PNO1: variants seen among roughly 807,000 people sequenced by gnomAD.
The protein encoded by PNO1 is RNA-binding protein PNO1.
In PNO1, 16 loss-of-function variants were observed where a neutral mutation model predicts 28.4. The observed-to-expected ratio is 0.56, with a 90% CI of 0.38 to 0.85. The LOEUF (loss-of-function observed/expected upper bound fraction) is 0.85. Ranked by LOEUF, PNO1 falls within the 40% of genes least tolerant of loss-of-function variation. PNO1 has a pLI of 0.00. For synonymous variants in PNO1, 115 were observed against 110.8 expected, an observed-to-expected ratio of 1.04 and a Z score of -0.24; for missense variants, 304 against 312.2, an observed-to-expected ratio of 0.97 and a Z score of 0.20.
At chr2:68,160,003 C>G (rs1013309198) in intron 2 of PNO1, among the ~76,000 whole-genome samples, 1 of 139,476 alleles carries the variant, frequency 7.2e-6, no homozygotes, top group African/African-American at 2.8e-5. Flanking sequence ...GAGTCTTGCT[C>G]CGTTGCCCAG....
chr2:68,165,545 C>CAAAAA (rs36126325), intron 5 of PNO1, among the ~76,000 whole-genome samples: 1 of 67,190 alleles, frequency 1.5e-5, no homozygotes, highest in East Asian at 5.0e-4. Context: ...GACTCCATCT[C>CAAAAA]AAAAAAAAAA....
At chr2:68,173,459 T>C in intron 6 of PNO1, 42 bp downstream of exon 6, 1 of 1,233,636 alleles carries the variant, frequency 8.1e-7, no homozygotes, top group South Asian at 1.2e-5. Flanking sequence ...CTGGGAGGGA[T>C]AGGAAGTTAA....
At chr2:68,173,748 A>G (rs541939808) in intron 6 of PNO1, among the ~76,000 whole-genome samples, 1 of 151,860 alleles carries the variant, frequency 6.6e-6, no homozygotes, top group South Asian at 2.1e-4. Flanking sequence ...TTGCCTGGCT[A>G]ATTTTTGCAT....
chr2:68,160,361 A>G (rs1473950435), intron 2 of PNO1, among the ~76,000 whole-genome samples: 5 of 152,204 alleles, frequency 3.3e-5, no homozygotes, highest in African/African-American at 1.2e-4. Flanking sequence ...GTTTATGTCC[A>G]TACTTTTTGG....
chr2:68,169,577 G>A (rs928977816), intron 5 of PNO1, among the ~76,000 whole-genome samples: 5 of 152,176 alleles, frequency 3.3e-5, no homozygotes, highest in African/African-American at 9.7e-5. Flanking sequence ...TAATTTTATG[G>A]AGTTATGATT....
At chr2:68,171,080 C>T (rs1674120168) in intron 5 of PNO1, among the ~76,000 whole-genome samples, 1 of 152,160 alleles carries the variant, frequency 6.6e-6, no homozygotes, top group Non-Finnish European at 1.5e-5. Context: ...AAACAGAAAT[C>T]AGTGCTCAGT....
chr2:68,159,609 C>G (rs1673778195), intron 2 of PNO1, among the ~76,000 whole-genome samples: 1 of 152,074 alleles, frequency 6.6e-6, no homozygotes, highest in African/African-American at 2.4e-5. Context: ...GAATCGATAA[C>G]CGAAATTAAT....
At position 68,158,106 on chromosome 2, in the gene PNO1, C is replaced by T; in HGVS notation, c.172C>T (p.Pro58Ser). The T allele has an allele frequency of 6.2e-7, 1 of 1,609,548 alleles. No individual in the cohort carries two copies. The highest frequency in any genetic ancestry group is 8.5e-7 in the Non-Finnish European group (1 of 1,178,034). ...DTEEARPAKRPVFPPLCGDGL... is the reference protein window; with the variant it reads ...DTEEARPAKRSVFPPLCGDGL... Reference sequence around the variant, plus strand: ...AGAGGAGGCCAGGCCGGCGAAGAGGCCCGTCTTCCCACCCCTCTGTGGGGA... The same window carrying T: ...AGAGGAGGCCAGGCCGGCGAAGAGGTCCGTCTTCCCACCCCTCTGTGGGGA... The change falls in exon 1 of 7, where the codon CCC becomes TCC. Residue 58 changes from proline to serine, a missense_variant. Transcript: ENST00000263657.
At chr2:68,172,949 G>T (rs1674168267) in intron 5 of PNO1, among the ~76,000 whole-genome samples, 1 of 152,068 alleles carries the variant, frequency 6.6e-6, no homozygotes, top group Non-Finnish European at 1.5e-5. Context: ...TTAAAAAGTG[G>T]TTTTTAGTAT....
chr2:68,174,678 T>G lies in PNO1; in HGVS notation c.692-57T>G. 1.7e-6 allele frequency: 2 copies of G among 1,194,666 alleles called. 1 individual carries two copies. The highest frequency in any genetic ancestry group is 2.5e-5 in the South Asian group (2 of 79,068). The allele number at this position is 1,194,666 out of a possible 1,614,324, so 74.0% of individuals were successfully genotyped here. A position where few individuals can be genotyped will look rare whatever the true frequency, so the allele number is the denominator to read the frequency against. ...TCTTCCTTAGACACTGAGGGACAAC[T>G]GTAGGCGCTATAAATGTGAGTTTAT... On this transcript the variant is annotated intron_variant, in intron 6 of 6. Coordinates refer to ENST00000263657, the MANE Select transcript of PNO1 (RefSeq NM_020143.4).
chr2:68,158,538 A>G lies in PNO1; in HGVS notation c.357+9A>G. Reference sequence around the variant, plus strand: ...GGAATGTAGAAATCAGGGTAAGGAAAATCTCAATCATTTCCCAATACACCA... The same window carrying G: ...GGAATGTAGAAATCAGGGTAAGGAAGATCTCAATCATTTCCCAATACACCA... On this transcript the variant is annotated intron_variant, in intron 2 of 6. Transcript: ENST00000263657. 1 of 1,608,164 alleles carries G rather than the reference A, an allele frequency of 6.2e-7. No individual in the cohort carries two copies. Among genetic ancestry groups the G allele is most frequent in the Admixed American group, 1.7e-5 (1 of 59,142 alleles).
At chr2:68,174,692 A>G (rs1480607792) in intron 6 of PNO1, 43 bp from the exon 7 acceptor site, 3 of 1,364,412 alleles carry the variant, frequency 2.2e-6, no homozygotes, top group African/African-American at 1.4e-5. Flanking sequence ...GGCGCTATAA[A>G]TGTGAGTTTA....
At chr2:68,165,671 ACT>A (rs899736319) in intron 5 of PNO1, among the ~76,000 whole-genome samples, 4 of 151,124 alleles carry the variant, frequency 2.6e-5, no homozygotes, top group African/African-American at 9.8e-5. Context: ...CGACAGTGAG[ACT>A]CTGTCTCAAA....
intron 2 of PNO1, 104 bp downstream of exon 2, chr2:68,158,633 T>A: frequency 9.6e-7 from 1 of 1,038,888 alleles, no homozygotes; most frequent in Non-Finnish European, 1.4e-6. Flanking sequence ...TGTTGTATGG[T>A]TTTTGTCCAG....
intron 2 of PNO1, among the ~76,000 whole-genome samples, chr2:68,159,208 C>T (rs998347854): frequency 6.6e-6 from 1 of 151,882 alleles, no homozygotes; most frequent in East Asian, 1.9e-4. Flanking sequence ...TAATGGTGCT[C>T]TTTTGATTAA....
intron 6 of PNO1, 66 bp from the exon 7 acceptor site, chr2:68,174,669 A>C: frequency 9.3e-7 from 1 of 1,072,222 alleles, no homozygotes; most frequent in Non-Finnish European, 1.4e-6. Flanking sequence ...TTAGACACTG[A>C]GGGACAACTG....
chr2:68,161,106 T>C (rs1673818018), intron 2 of PNO1: 5 of 435,520 alleles, frequency 1.1e-5, no homozygotes, highest in South Asian at 6.9e-5. Flanking sequence ...TTATAGTACG[T>C]GTTATTTACA....
At chr2:68,171,671 T>C (rs548458910) in intron 5 of PNO1, among the ~76,000 whole-genome samples, 1 of 152,274 alleles carries the variant, frequency 6.6e-6, no homozygotes, top group East Asian at 1.9e-4. Context: ...AGGGCACATC[T>C]GGCAGTGAGC....
chr2:68,158,703 T>TA (rs1322677767), intron 2 of PNO1, among the ~76,000 whole-genome samples, 174 bp downstream of exon 2: 1 of 152,238 alleles, frequency 6.6e-6, no homozygotes, highest in African/African-American at 2.4e-5. Context: ...CTGCATTCGA[T>TA]ACAAATATTA....
Sources: gnomAD v4.1 joint callset for allele counts (sites outside exome capture counted in the v4.1 genomes callset) on GRCh38, gnomAD v4.1.1 for gene constraint, MANE v1.5 for transcripts, NCBI Gene and HGNC (gene_info 2026-07-23, HGNC 2026-07-21) for gene names.